SNTG1: variants seen among roughly 807,000 people sequenced by gnomAD.
SNTG1 encodes syntrophin gamma 1.
SNTG1 carries 39 observed loss-of-function variants against 74.7 expected under a neutral mutation model. That is an observed-to-expected ratio of 0.52 (90% CI 0.40 to 0.68). The LOEUF is 0.68. Among genes scored for constraint, SNTG1 ranks in the 30% least tolerant of loss-of-function variants. The pLI is 0.00. For missense variants in SNTG1, 685 were observed against 609.5 expected (o/e 1.12, Z -1.30); for synonymous variants, 254 against 217.1 (o/e 1.17, Z -1.49).
intron 2 of SNTG1, among the ~76,000 whole-genome samples, chr8:50,335,850 ATTTTATTT>A (rs2091124494): frequency 6.6e-6 from 1 of 150,560 alleles, no homozygotes; most frequent in Admixed American, 6.6e-5. Context: ...ATTTTATTTT[ATTTTATTT>A]TATTTATGTT....
At chr8:50,245,485 C>T (rs2086355931) in intron 2 of SNTG1, among the ~76,000 whole-genome samples, 1 of 152,034 alleles carries the variant, frequency 6.6e-6, no homozygotes, top group Non-Finnish European at 1.5e-5. Context: ...AAGATCGAGA[C>T]CATCCTGGCC....
chr8:50,764,322 G>A lies in SNTG1; in HGVS notation c.1395+12211G>A, dbSNP rs1255538704. 3.3e-5 allele frequency among the ~76,000 whole-genome samples: 5 copies of A among 152,024 alleles called. No individual in the cohort carries two copies. In the East Asian group the frequency reaches 7.8e-4, roughly 24 times the overall value. On this transcript the variant is annotated intron_variant, in intron 18 of 18. Transcript: ENST00000642720. ...CCTCACAGCAAAGAAAATGAACAGA[G>A]TGATGAGGCGACCTATATCATGGGA...
rs79478735 is a variant in SNTG1, at chr8:50,462,104, C to T, written c.363+11375C>T. Among the ~76,000 whole-genome samples the T allele has an allele frequency of 5.1e-4, 77 of 151,968 alleles. 1 individual carries two copies. In the East Asian group the frequency reaches 0.013, roughly 25 times the overall value. On this transcript the variant is annotated intron_variant, in intron 8 of 18. Coordinates refer to ENST00000642720, the MANE Select transcript of SNTG1 (RefSeq NM_018967.5). Reference sequence around the variant, plus strand: ...CAGAAATCATCACTAAAGAACTTACCCATGTAACCAAAAGCCAGCTGTACC... The same window carrying T: ...CAGAAATCATCACTAAAGAACTTACTCATGTAACCAAAAGCCAGCTGTACC...
intron 1 of SNTG1, among the ~76,000 whole-genome samples, chr8:50,064,005 T>A (rs1484400447): frequency 1.3e-5 from 2 of 152,208 alleles, no homozygotes; most frequent in Admixed American, 1.3e-4. Flanking sequence ...ATTGCATAAC[T>A]CTGGGAAATT....
chr8:50,631,025 G>A (rs777261193), intron 13 of SNTG1, among the ~76,000 whole-genome samples: 24 of 152,294 alleles, frequency 1.6e-4, no homozygotes, highest in South Asian at 1.2e-3. Context: ...AGACCTCAGG[G>A]ATAAACCTAG....
chr8:50,698,603 A>C (rs1173042729), intron 15 of SNTG1, among the ~76,000 whole-genome samples: 1 of 152,138 alleles, frequency 6.6e-6, no homozygotes, highest in African/African-American at 2.4e-5. Flanking sequence ...CCAGATCCCC[A>C]GGATACTGTT....
At chr8:50,736,360 A>G (rs1371700850) in intron 17 of SNTG1, among the ~76,000 whole-genome samples, 1 of 152,088 alleles carries the variant, frequency 6.6e-6, no homozygotes, top group African/African-American at 2.4e-5. Flanking sequence ...AAAGGGATCA[A>G]TGCAACAAGA....
intron 1 of SNTG1, among the ~76,000 whole-genome samples, chr8:50,115,874 GC>G (rs928840880): frequency 6.7e-4 from 102 of 151,830 alleles, no homozygotes; most frequent in South Asian, 1.2e-3. Flanking sequence ...ACCACCCACC[GC>G]CCCCCAACCC....
intron 2 of SNTG1, among the ~76,000 whole-genome samples, chr8:50,384,774 C>T: frequency 6.6e-6 from 1 of 152,128 alleles, no homozygotes; most frequent in East Asian, 1.9e-4. Flanking sequence ...GGTAATGGAG[C>T]AAGAGTGGAA....
chr8:50,109,991 G>C (rs1183479673), intron 1 of SNTG1, among the ~76,000 whole-genome samples: 1 of 152,068 alleles, frequency 6.6e-6, no homozygotes, highest in Admixed American at 6.6e-5. Flanking sequence ...GCCCAGGCTT[G>C]TGGAATTCTC....
chr8:50,294,140 A>C (rs1225723751), intron 2 of SNTG1, among the ~76,000 whole-genome samples: 1 of 151,268 alleles, frequency 6.6e-6, no homozygotes, highest in Non-Finnish European at 1.5e-5. Flanking sequence ...AAAATAATCA[A>C]ATAAATACAC....
intron 4 of SNTG1, among the ~76,000 whole-genome samples, chr8:50,430,527 T>C (rs1314175042): frequency 6.6e-6 from 1 of 152,186 alleles, no homozygotes; most frequent in Non-Finnish European, 1.5e-5. Context: ...TTAACCTGTA[T>C]GTACTGTGAA....
chr8:50,334,569 A>G (rs1003869395), intron 2 of SNTG1, among the ~76,000 whole-genome samples: 1 of 151,834 alleles, frequency 6.6e-6, no homozygotes, highest in Non-Finnish European at 1.5e-5. Flanking sequence ...TTCACTACTC[A>G]TTTTACCTTA....
At chr8:50,310,019 A>G (rs1259514027) in intron 2 of SNTG1, among the ~76,000 whole-genome samples, 1 of 152,198 alleles carries the variant, frequency 6.6e-6, no homozygotes, top group Admixed American at 6.5e-5. Context: ...ATTTTATTTA[A>G]TCAATATTAA....
At chr8:49,953,338 C>T (rs1295860719) in intron 1 of SNTG1, among the ~76,000 whole-genome samples, 1 of 152,142 alleles carries the variant, frequency 6.6e-6, no homozygotes, top group Non-Finnish European at 1.5e-5. Flanking sequence ...CTGAGAGGAC[C>T]CTTGGGGGGA....
chr8:50,558,486 C>A (rs1468004306), intron 12 of SNTG1, among the ~76,000 whole-genome samples: 1 of 152,174 alleles, frequency 6.6e-6, no homozygotes, highest in Non-Finnish European at 1.5e-5. Context: ...CAGGTAAACT[C>A]CTGTTTGCCA....
At chr8:50,670,021 A>C (rs1265078924) in intron 15 of SNTG1, among the ~76,000 whole-genome samples, 4 of 152,218 alleles carry the variant, frequency 2.6e-5, no homozygotes, top group African/African-American at 9.6e-5. Flanking sequence ...TCAATAAATT[A>C]GGTATTGATG....
intron 1 of SNTG1, among the ~76,000 whole-genome samples, chr8:50,027,048 C>T (rs1817328778): frequency 6.6e-6 from 1 of 152,106 alleles, no homozygotes; most frequent in Non-Finnish European, 1.5e-5. Flanking sequence ...CACTTCTAGC[C>T]TCCTTTCTTT....
chr8:50,513,355 C>A (rs934529539), intron 9 of SNTG1, among the ~76,000 whole-genome samples: 2 of 152,170 alleles, frequency 1.3e-5, no homozygotes, highest in African/African-American at 4.8e-5. Context: ...TTAGGCTACT[C>A]GGAGGACAGG....
Sources: gnomAD v4.1 joint callset for allele counts (sites outside exome capture counted in the v4.1 genomes callset) on GRCh38, gnomAD v4.1.1 for gene constraint, MANE v1.5 for transcripts, NCBI Gene and HGNC (gene_info 2026-07-23, HGNC 2026-07-21) for gene names.